The following LONP2 variants were observed in gnomAD, a reference collection of about 807,000 sequenced individuals.
The protein encoded by LONP2 is lon protease homolog 2, peroxisomal.
A neutral mutation model predicts 85.6 loss-of-function variants in LONP2; 60 were observed. That is an observed-to-expected ratio of 0.70 (90% confidence interval 0.57 to 0.87). The LOEUF (loss-of-function observed/expected upper bound fraction) is 0.87. Ranked by LOEUF, LONP2 falls within the 40% of genes least tolerant of loss-of-function variation. The pLI is 0.00. For missense variants in LONP2, 860 were observed against 1,063.5 expected (o/e 0.81, Z 2.66); for synonymous variants, 395 against 389.7 (o/e 1.01, Z -0.16).
At position 48,351,774 on chromosome 16, in the gene LONP2, G is replaced by A. The variant is rs1462250942; in HGVS notation, c.2531G>A (p.Arg844Lys). Residue 844 changes from arginine to lysine, a missense_variant, in exon 15 of 15, where the codon AGA (arginine) becomes AAA (lysine). By Grantham distance (26) the Arg-to-Lys change is conservative. Transcript: ENST00000285737. ...GATGGTGGCTTTACTGTCAAGACCA[G>A]ACCTGGTCTGTTAAATAGCAAACTG... ...AFDGGFTVKT[R>K]PGLLNSKL 1.2e-6 allele frequency: 2 copies of A among 1,614,000 alleles called. No individual in the cohort carries two copies. Among genetic ancestry groups the A allele is most frequent in the African/African-American group, 2.7e-5 (2 of 74,904 alleles).
intron 6 of LONP2, among the ~76,000 whole-genome samples, 154 bp from the exon 7 acceptor site, chr16:48,269,862 G>A (rs1047151642): frequency 6.6e-6 from 1 of 152,066 alleles, no homozygotes; most frequent in Non-Finnish European, 1.5e-5. Flanking sequence ...CAAACCAAAT[G>A]CAGATCTCCT....
downstream of LONP2, among the ~76,000 whole-genome samples, chr16:48,358,006 A>C (rs1218251808): frequency 6.6e-6 from 1 of 152,192 alleles, no homozygotes; most frequent in East Asian, 1.9e-4. Context: ...CCTGAAAGAC[A>C]CCAAAAATAA....
chr16:48,259,376 C>T (rs1971829011), intron 4 of LONP2, among the ~76,000 whole-genome samples: 1 of 152,140 alleles, frequency 6.6e-6, no homozygotes, highest in Non-Finnish European at 1.5e-5. Context: ...CCTTCCCATC[C>T]CCATTATCAT....
At chr16:48,273,268 G>A (rs74016376) in intron 7 of LONP2, among the ~76,000 whole-genome samples, 2,082 of 152,204 alleles carry the variant, frequency 0.014, 46 homozygotes, top group African/African-American at 0.047. Context: ...CTTTCCTTTT[G>A]CTAAAAGTAC....
intron 12 of LONP2, among the ~76,000 whole-genome samples, chr16:48,342,923 T>C (rs1264691490): frequency 4.6e-5 from 7 of 152,192 alleles, no homozygotes; most frequent in Non-Finnish European, 8.8e-5. Context: ...GTGTCTCATG[T>C]GGCACCGTGC....
At position 48,352,962 on chromosome 16, in the gene LONP2, G is replaced by C. The variant is rs1960197174; in HGVS notation, c.*1160G>C. 6.6e-6 allele frequency: 1 copy of C among 152,200 alleles called. No homozygotes were observed. Among genetic ancestry groups the C allele is most frequent in the African/African-American group, 2.4e-5 (1 of 41,448 alleles). The allele number at this position is 152,200 out of a possible 1,614,324, so 9.4% of individuals were successfully genotyped here. A position where few individuals can be genotyped will look rare whatever the true frequency, so the allele number is the denominator to read the frequency against. Reference sequence around the variant, plus strand: ...TGTGCTCCTGCTGGGACTCAATTCAGGCTATGTATGACTATGAAGTCAGGC... The same window carrying C: ...TGTGCTCCTGCTGGGACTCAATTCACGCTATGTATGACTATGAAGTCAGGC... On this transcript the variant is annotated 3_prime_UTR_variant, in exon 15 of 15. Transcript: ENST00000285737.
In LONP2 at chr16:48,261,552, G is replaced by A. The variant is rs1380984945; in HGVS notation, c.852G>A (p.Glu284=). The change falls in exon 5 of 15, where the codon GAG becomes GAA. Residue 284 remains glutamate, a synonymous_variant. Coordinates refer to ENST00000285737, the MANE Select transcript of LONP2 (RefSeq NM_031490.5). ...AAATACGAACATCTAGTATGCCAGAGCAGGCCCATAAAGTCTGTGTCAAAG... is the reference window on the plus strand; with the variant it reads ...AAATACGAACATCTAGTATGCCAGAACAGGCCCATAAAGTCTGTGTCAAAG... ...EKKIRTSSMP[E]QAHKVCVKEI... is the part of the protein sequence containing the mutation. 1.3e-6 allele frequency: 2 copies of A among 1,594,968 alleles called. No homozygotes were observed. The highest frequency in any genetic ancestry group is 2.8e-5 in the African/African-American group (2 of 71,150).
chr16:48,289,688 A>G (rs1372072992), intron 8 of LONP2, among the ~76,000 whole-genome samples: 1 of 152,244 alleles, frequency 6.6e-6, no homozygotes, highest in East Asian at 1.9e-4. Context: ...TTCTAAGTGA[A>G]GACATCAATT....
At chr16:48,360,647 G>A (rs959834047), downstream of LONP2, 8 of 152,566 alleles carry the variant, frequency 5.2e-5, no homozygotes, top group African/African-American at 1.4e-4. Context: ...TGTGCATGAC[G>A]ATGCCTTCTT....
chr16:48,290,706 G>A (rs1972542401), intron 8 of LONP2, among the ~76,000 whole-genome samples: 1 of 152,214 alleles, frequency 6.6e-6, no homozygotes. Context: ...TTGCACCTGG[G>A]TGTGCTCAAA....
chr16:48,278,931 G>A (rs1972269655), intron 8 of LONP2, among the ~76,000 whole-genome samples: 1 of 151,782 alleles, frequency 6.6e-6, no homozygotes, highest in Admixed American at 6.6e-5. Context: ...TTTATGTTTT[G>A]CTCTACTTTC....
At position 48,351,587 on chromosome 16, in the gene LONP2, G is replaced by A; in HGVS notation, c.2344G>A (p.Gly782Arg). ...TLRGLVLPVGGIKDKVLAAHR... is the reference protein window; with the variant it reads ...TLRGLVLPVGRIKDKVLAAHR... ...CTTTTTTCTCTCCTTACAGGTGGGT[G>A]GAATTAAAGACAAAGTGCTGGCGGC... is the stretch of plus-strand genomic sequence containing the variant. Residue 782 changes from glycine to arginine, a missense_variant, in exon 15 of 15, where the codon GGA (glycine) becomes AGA (arginine). Gly to Arg is a moderately radical substitution (Grantham distance 125). Coordinates refer to ENST00000285737, the MANE Select transcript of LONP2 (RefSeq NM_031490.5). 10 of 1,613,702 alleles carry A rather than the reference G, an allele frequency of 6.2e-6. No homozygotes were observed. The highest frequency in any genetic ancestry group is 8.5e-6 in the Non-Finnish European group (10 of 1,179,738).
downstream of LONP2, among the ~76,000 whole-genome samples, chr16:48,359,264 A>G (rs1960486686): frequency 6.6e-6 from 1 of 152,120 alleles, no homozygotes; most frequent in Non-Finnish European, 1.5e-5. Context: ...GCGTCCAGCC[A>G]CGTTTATTTT....
chr16:48,316,311 G>A (rs1209905914), intron 11 of LONP2, among the ~76,000 whole-genome samples: 1 of 146,668 alleles, frequency 6.8e-6, no homozygotes, highest in Non-Finnish European at 1.5e-5. Flanking sequence ...ACCGCGCCCA[G>A]CCCATTGGAT....
intron 11 of LONP2, among the ~76,000 whole-genome samples, chr16:48,331,259 A>G (rs941408973): frequency 1.6e-4 from 24 of 152,326 alleles, no homozygotes; most frequent in African/African-American, 5.8e-4. Context: ...AGCTAAACTT[A>G]TCAGGTGAGT....
intron 12 of LONP2, chr16:48,345,599 T>C (rs1040655173): frequency 6.6e-6 from 1 of 152,224 alleles, no homozygotes; most frequent in African/African-American, 2.4e-5. Flanking sequence ...CGCCTCAAGT[T>C]AGTATAGAAC....
At chr16:48,360,009 A>G (rs1489182723), downstream of LONP2, among the ~76,000 whole-genome samples, 1 of 152,262 alleles carries the variant, frequency 6.6e-6, no homozygotes, top group Admixed American at 6.5e-5. Context: ...TACTGAAGGC[A>G]TAATGGTAGC....
At chr16:48,299,860 C>T in intron 10 of LONP2, 72 bp downstream of exon 10, 1 of 1,437,644 alleles carries the variant, frequency 7.0e-7, no homozygotes, top group East Asian at 2.4e-5. Context: ...CCAAACAGGA[C>T]ATAGAGTATC....
intron 1 of LONP2, 110 bp from the exon 2 acceptor site, chr16:48,252,021 C>A: frequency 1.3e-6 from 1 of 781,462 alleles, no homozygotes; most frequent in Non-Finnish European, 1.9e-6. Flanking sequence ...ATTTACACTT[C>A]AGATGTCTTT....
Sources: allele counts gnomAD v4.1 joint callset (sites outside exome capture counted in the v4.1 genomes callset), GRCh38; gene constraint gnomAD v4.1.1; transcripts MANE v1.5; gene names NCBI Gene and HGNC (gene_info 2026-07-23, HGNC 2026-07-21).